The following CSMD2 variants were observed in gnomAD, a reference collection of about 807,000 sequenced individuals.
CSMD2 encodes the protein CUB and sushi domain-containing protein 2.
CSMD2 carries 130 observed loss-of-function variants against 398.5 expected under a neutral mutation model. That is an observed-to-expected ratio of 0.33 (90% CI 0.28 to 0.38). CSMD2 has a LOEUF of 0.38. Ranked by LOEUF, CSMD2 falls within the 10% of genes least tolerant of loss-of-function variation. The probability of loss-of-function intolerance (pLI) is 1.00; values close to 1 mark genes in which losing one functional copy is unlikely to be tolerated. For missense variants in CSMD2, 3,829 were observed against 4,764.9 expected (o/e 0.80, Z 5.78); for synonymous variants, 1,828 against 1,908.5 (o/e 0.96, Z 1.10).
At chr1:34,145,449 G>C (rs1639680215) in intron 1 of CSMD2, among the ~76,000 whole-genome samples, 1 of 152,196 alleles carries the variant, frequency 6.6e-6, no homozygotes. Flanking sequence ...TCTGAATGCA[G>C]CTGAGAATGC....
intron 20 of CSMD2, among the ~76,000 whole-genome samples, chr1:33,715,552 C>A (rs1239188062): frequency 1.3e-5 from 2 of 152,206 alleles, no homozygotes; most frequent in Non-Finnish European, 2.9e-5. Flanking sequence ...CCAAGTGAAT[C>A]CAGGGATGTG....
Position 34,103,455 on chromosome 1 carries a change from C to T in CSMD2, c.188-14262G>A, listed in dbSNP as rs143432294. Among the ~76,000 whole-genome samples the T allele has an allele frequency of 1.5e-3, 227 of 152,058 alleles. 3 individuals carry two copies. The East Asian group carries it at 0.032, about 22-fold the overall frequency. ...CTGGGACTACCGGCACCCGCCACCA[C>T]GCCCAGCTAATTTTTCACGTTTTTA... On this transcript the variant is annotated intron_variant, in intron 1 of 70. Transcript: ENST00000373381.
intron 32 of CSMD2, among the ~76,000 whole-genome samples, chr1:33,627,359 C>T (rs1244814373): frequency 6.6e-6 from 1 of 152,066 alleles, no homozygotes; most frequent in African/African-American, 2.4e-5. Context: ...GGACCTGCAG[C>T]CAATTAGTGT....
chr1:33,844,697 G>A (rs975698119), intron 6 of CSMD2, among the ~76,000 whole-genome samples: 5 of 152,118 alleles, frequency 3.3e-5, no homozygotes, highest in Non-Finnish European at 4.4e-5. Flanking sequence ...TATGACTCTC[G>A]TTCCTCAACT....
chr1:33,928,423 C>T (rs1236407295), intron 4 of CSMD2, among the ~76,000 whole-genome samples: 2 of 152,306 alleles, frequency 1.3e-5, no homozygotes, highest in South Asian at 2.1e-4. Flanking sequence ...TGATAGATAC[C>T]CCTCACTGAG....
In CSMD2 at chr1:33,824,282, G is replaced by A. The variant is rs147352210; in HGVS notation, c.1111+1415C>T. Among the ~76,000 whole-genome samples the A allele has an allele frequency of 3.9e-5, 6 of 152,286 alleles. No individual in the cohort carries two copies. The East Asian group carries it at 1.2e-3, about 30-fold the overall frequency. ...CCTGTGAGGGTCAGGGCCATGGCTTGAGCCCTCTGCAGGTTCCTGGCCTGA... is the reference window on the plus strand; with the variant it reads ...CCTGTGAGGGTCAGGGCCATGGCTTAAGCCCTCTGCAGGTTCCTGGCCTGA... On this transcript the variant is annotated intron_variant, in intron 7 of 70. Coordinates refer to ENST00000373381, the MANE Select transcript of CSMD2 (RefSeq NM_001281956.2).
intron 19 of CSMD2, among the ~76,000 whole-genome samples, chr1:33,719,821 A>G (rs1350922955): frequency 6.6e-6 from 1 of 152,220 alleles, no homozygotes; most frequent in Non-Finnish European, 1.5e-5. Context: ...ATAACTGGGA[A>G]AGTATATGCA....
chr1:33,610,024 G>A (rs1287792077), intron 41 of CSMD2, among the ~76,000 whole-genome samples: 2 of 152,152 alleles, frequency 1.3e-5, no homozygotes, highest in African/African-American at 2.4e-5. Context: ...ATGTGAGGAC[G>A]CAGTGAGAAG....
Position 33,541,302 on chromosome 1 carries a change from G to A in CSMD2, c.9285C>T (p.Asn3095=). Residue 3095 remains asparagine (N), a synonymous_variant, in exon 59 of 71, where the codon AAC becomes AAT. Transcript: ENST00000373381. ...TGGCTGGAATCCCAGGGTCACCACA[G>A]TTTATGACTAGGATAAGAGAGATAT... ...TGSDPECLVI[N]CGDPGIPANG... is the part of the protein sequence containing the mutation. 1 of 1,613,766 alleles carries A rather than the reference G, an allele frequency of 6.2e-7. No homozygotes were observed. The highest frequency in any genetic ancestry group is 8.5e-7 in the Non-Finnish European group (1 of 1,179,730).
At position 33,700,564 on chromosome 1, in the gene CSMD2, A is replaced by T; in HGVS notation, c.3686T>A (p.Ile1229Asn). ...CTTGCTGGTGTTTTCAGCATCAGTG[A>T]TGAAATCAAGCCACAGACTGCTGGA... is the stretch of plus-strand genomic sequence containing the variant. The part of the protein sequence containing the change: ...STSSSLWLDF[I>N]TDAENTSKGF... Residue 1229 changes from isoleucine (I) to asparagine (N), a missense_variant, in exon 23 of 71, where the codon ATC becomes AAC. Around this residue, in one of 5 missense-constraint regions of CSMD2, gnomAD observed 2,001 missense variants for 2,567.1 expected, o/e 0.78. Transcript: ENST00000373381. 1 of 1,614,214 alleles carries T rather than the reference A, an allele frequency of 6.2e-7. No homozygotes were observed. Among genetic ancestry groups the T allele is most frequent in the Non-Finnish European group, 8.5e-7 (1 of 1,180,032 alleles).
chr1:33,866,696 C>T (rs1640062524), intron 5 of CSMD2, among the ~76,000 whole-genome samples: 1 of 152,198 alleles, frequency 6.6e-6, no homozygotes, highest in Non-Finnish European at 1.5e-5. Context: ...CTCTTCCTGC[C>T]CTCTCCCTGC....
chr1:33,672,741 C>T (rs890551914), intron 25 of CSMD2, among the ~76,000 whole-genome samples: 3 of 152,194 alleles, frequency 2.0e-5, no homozygotes, highest in Non-Finnish European at 4.4e-5. Context: ...CCTCACACGG[C>T]TGGGTACTCC....
rs531202236 is a variant in CSMD2 at position 33,633,260 on chromosome 1, C to G, written c.5200+162G>C. 1.3e-5 allele frequency among the ~76,000 whole-genome samples: 2 copies of G among 152,304 alleles called. No homozygotes were observed. Among genetic ancestry groups the G allele is most frequent in the East Asian group, 1.9e-4 (1 of 5,174 alleles). Reference sequence around the variant, plus strand: ...AAGGCCCCGCTAGTTGGAGCTCTCACGAGCTGGCTGCTGCGTTGTAGACAA... The same window carrying G: ...AAGGCCCCGCTAGTTGGAGCTCTCAGGAGCTGGCTGCTGCGTTGTAGACAA... On this transcript the variant is annotated intron_variant, in intron 32 of 70. Coordinates refer to ENST00000373381, the MANE Select transcript of CSMD2 (RefSeq NM_001281956.2). The surrounding 1 kb of genome is among the most constrained non-coding windows in gnomAD (Gnocchi z 5.0).
intron 47 of CSMD2, 88 bp from the exon 48 acceptor site, chr1:33,580,987 G>A (rs1638660017): frequency 1.0e-5 from 14 of 1,354,150 alleles, no homozygotes; most frequent in Non-Finnish European, 1.3e-5. Flanking sequence ...AGGGTGGGGT[G>A]ACTTGTTCAG....
At chr1:33,834,188 G>T (rs1465331553) in intron 6 of CSMD2, among the ~76,000 whole-genome samples, 3 of 101,724 alleles carry the variant, frequency 2.9e-5, no homozygotes, top group Non-Finnish European at 5.5e-5. Context: ...AGCCCGCATC[G>T]CCAAATCAAT....
chr1:33,579,196 A>G (rs753981701), intron 48 of CSMD2, among the ~76,000 whole-genome samples: 1 of 152,240 alleles, frequency 6.6e-6, no homozygotes, highest in Non-Finnish European at 1.5e-5. Flanking sequence ...AGCAACCAGC[A>G]TAGTGAAATG....
At chr1:33,959,933 C>T (rs1645296199) in intron 3 of CSMD2, among the ~76,000 whole-genome samples, 1 of 152,186 alleles carries the variant, frequency 6.6e-6, no homozygotes, top group African/African-American at 2.4e-5. Context: ...TGTTGCATTC[C>T]TGCTGGATCC....
At chr1:33,572,375 C>T in intron 50 of CSMD2, 131 bp downstream of exon 50, 2 of 830,638 alleles carry the variant, frequency 2.4e-6, no homozygotes, top group East Asian at 2.6e-5. Flanking sequence ...TGAAATCCTC[C>T]AACCTCCATG....
intron 3 of CSMD2, among the ~76,000 whole-genome samples, chr1:33,988,088 A>G (rs796603211): frequency 2.6e-5 from 4 of 152,286 alleles, no homozygotes; most frequent in African/African-American, 9.6e-5. Flanking sequence ...TGAAGCCGTA[A>G]CTCAGGTCCA....
Sources: gnomAD v4.1 joint callset for allele counts (sites outside exome capture counted in the v4.1 genomes callset) on GRCh38, gnomAD v4.1.1 for gene constraint, gnomAD v4.1.1 regional missense constraint, Gnocchi (gnomAD v3.1) non-coding constraint, MANE v1.5 for transcripts, NCBI Gene and HGNC (gene_info 2026-07-23, HGNC 2026-07-21) for gene names.